EVPLL: variants seen among roughly 807,000 people sequenced by gnomAD.
The protein encoded by EVPLL is envoplakin-like protein.
A neutral mutation model predicts 46.2 loss-of-function variants in EVPLL; 39 were observed. That is an observed-to-expected ratio of 0.84 (90% CI 0.65 to 1.10). The LOEUF is 1.10. Ranked by LOEUF, EVPLL falls within the 50% of genes least tolerant of loss-of-function variation. EVPLL has a pLI of 0.00. For missense variants in EVPLL, 385 were observed against 412.6 expected (o/e 0.93, Z 0.58); for synonymous variants, 156 against 165.8 (o/e 0.94, Z 0.46).
intron 9 of EVPLL, among the ~76,000 whole-genome samples, chr17:18,387,386 T>G (rs372913454): frequency 7.1e-3 from 934 of 130,820 alleles, no homozygotes; most frequent in African/African-American, 0.012. Context: ...ATTTTTCACC[T>G]GGATTACTGT....
In EVPLL at chr17:18,381,672, G is replaced by C. The variant is rs1251944697; in HGVS notation, c.288G>C (p.Val96=). ...ACTGTGCCCTGTACGAGAAGATGGT[G>C]CTGCCGCCCCGACGTGGGATCCAAG... is the stretch of plus-strand genomic sequence containing the variant. ...AEYCALYEKM[V]LPPRRGIQGR... The change falls in exon 4 of 11, where the codon GTG becomes GTC. Residue 96 remains valine, a synonymous_variant. Coordinates refer to ENST00000399134, the MANE Select transcript of EVPLL (RefSeq NM_001145127.2). The surrounding 1 kb of genome is among the most constrained non-coding windows in gnomAD (Gnocchi z 4.2). 6.2e-7 allele frequency: 1 copy of C among 1,614,202 alleles called. No homozygotes were observed. The highest frequency in any genetic ancestry group is 8.5e-7 in the Non-Finnish European group (1 of 1,180,042).
chr17:18,382,592 A>G lies in EVPLL; in HGVS notation c.426A>G (p.Glu142=), dbSNP rs1001591920. ...GTDRGAQHRA[E]GDQRPRRAAA... ...ATCGCGGAGCTCAACATCGTGCAGA[A>G]GGAGATCAACGACCAAGGAGAGCAG... The change falls in exon 5 of 11, where the codon GAA becomes GAG. Residue 142 remains glutamate (E), a synonymous_variant. Transcript: ENST00000399134. 3.9e-6 allele frequency: 6 copies of G among 1,551,886 alleles called. No individual in the cohort carries two copies. The highest frequency in any genetic ancestry group is 5.2e-6 in the Non-Finnish European group (6 of 1,147,040).
intron 9 of EVPLL, among the ~76,000 whole-genome samples, chr17:18,383,928 G>T (rs1025458689): frequency 2.0e-5 from 3 of 152,056 alleles, no homozygotes; most frequent in African/African-American, 7.3e-5. Context: ...GGCCGAGAAT[G>T]GTCCACTGCA....
chr17:18,385,900 C>T (rs1251078050), intron 9 of EVPLL, among the ~76,000 whole-genome samples: 1 of 152,212 alleles, frequency 6.6e-6, no homozygotes, highest in Non-Finnish European at 1.5e-5. Context: ...CCAGAACTAT[C>T]TTGCAAACCT....
intron 9 of EVPLL, among the ~76,000 whole-genome samples, chr17:18,386,796 C>T (rs1251241837): frequency 1.3e-5 from 2 of 152,072 alleles, no homozygotes; most frequent in Non-Finnish European, 2.9e-5. Context: ...GCTTCTGGAA[C>T]AGCCGGGGTG....
In EVPLL at chr17:18,377,972, C is replaced by G. The variant is rs1243991612; in HGVS notation, c.-48C>G. 1.0e-6 allele frequency: 1 copy of G among 969,774 alleles called. No homozygotes were observed. Among genetic ancestry groups the G allele is most frequent in the Non-Finnish European group, 1.5e-6 (1 of 686,848 alleles). The allele number at this position is 969,774 out of a possible 1,614,324, so 60.1% of individuals were successfully genotyped here. Reference sequence around the variant, plus strand: ...AGGGGTCCCCCAAAGGCTCCCCCAGCAAGCACAGCTGGTGAGTGGGACTAG... The same window carrying G: ...AGGGGTCCCCCAAAGGCTCCCCCAGGAAGCACAGCTGGTGAGTGGGACTAG... On this transcript the variant is annotated 5_prime_UTR_variant, in exon 1 of 11. Coordinates refer to ENST00000399134, the MANE Select transcript of EVPLL (RefSeq NM_001145127.2).
Position 18,383,163 on chromosome 17 carries a change from C to T in EVPLL, c.650C>T (p.Ala217Val), listed in dbSNP as rs781042416. 8 of 1,550,374 alleles carry T rather than the reference C, an allele frequency of 5.2e-6. No homozygotes were observed. The African/African-American group carries it at 9.5e-5, about 18-fold the overall frequency. ...TGGAGCGACCTCATGGCCGACCCTGCGGGCGTGCGGCGGGAATACGAGGTC... is the reference window on the plus strand; with the variant it reads ...TGGAGCGACCTCATGGCCGACCCTGTGGGCGTGCGGCGGGAATACGAGGTC... ...QDWSDLMADP[A>V]GVRREYEHFK... is the part of the protein sequence containing the mutation. Residue 217 changes from alanine (A) to valine (V), a missense_variant, in exon 7 of 11, where the codon GCG becomes GTG. Coordinates refer to ENST00000399134, the MANE Select transcript of EVPLL (RefSeq NM_001145127.2).
intron 4 of EVPLL, 98 bp from the exon 5 acceptor site, chr17:18,382,415 C>T: frequency 5.3e-6 from 8 of 1,505,688 alleles, no homozygotes; most frequent in Non-Finnish European, 7.1e-6. Flanking sequence ...CACGCTCTGC[C>T]CAAATGACCA....
chr17:18,385,658 AGCTCCT>A (rs1273260683), intron 9 of EVPLL, among the ~76,000 whole-genome samples: 1 of 151,426 alleles, frequency 6.6e-6, no homozygotes, highest in Non-Finnish European at 1.5e-5. Context: ...AGGAAAGGGC[AGCTCCT>A]GCTCAAAGCT....
In EVPLL at chr17:18,383,199, G is replaced by A. The variant is rs1359168932; in HGVS notation, c.672+14G>A. 1.3e-6 allele frequency: 2 copies of A among 1,547,182 alleles called. No individual in the cohort carries two copies. The highest frequency in any genetic ancestry group is 2.4e-5 in the East Asian group (1 of 41,264). ...CGGGAATACGAGGTCGGCTGGCAGA[G>A]GTTGGGGCCAGGCGGGGGCGACCAG... On this transcript the variant is annotated intron_variant, in intron 7 of 10. Transcript: ENST00000399134.
intron 1 of EVPLL, among the ~76,000 whole-genome samples, chr17:18,378,746 C>T (rs530957449): frequency 1.3e-5 from 2 of 151,662 alleles, no homozygotes; most frequent in East Asian, 3.9e-4. Flanking sequence ...CACACCACTG[C>T]GCTCCTGCCT....
chr17:18,383,258 G>A lies in EVPLL; in HGVS notation c.673-13G>A, dbSNP rs754953344. On this transcript the variant is annotated splice_polypyrimidine_tract_variant and intron_variant, in intron 7 of 10. Transcript: ENST00000399134. ...TGGTCCTCACCGCCGCTCCCCACCC[G>A]ACTCGCCCCCAGCACTTCAAGCAGC... 5.1e-6 allele frequency: 8 copies of A among 1,569,912 alleles called. No homozygotes were observed. Among genetic ancestry groups the A allele is most frequent in the South Asian group, 1.2e-5 (1 of 85,798 alleles).
At chr17:18,385,879 C>A (rs1987749371) in intron 9 of EVPLL, among the ~76,000 whole-genome samples, 2 of 152,184 alleles carry the variant, frequency 1.3e-5, no homozygotes, top group South Asian at 4.1e-4. Context: ...ACCCCGCCGT[C>A]CCCACCCTGG....
intron 9 of EVPLL, among the ~76,000 whole-genome samples, chr17:18,384,033 T>C (rs1987690621): frequency 6.6e-6 from 1 of 152,128 alleles, no homozygotes; most frequent in Non-Finnish European, 1.5e-5. Context: ...AGGAAAGGCA[T>C]GGGCACATTC....
In EVPLL at chr17:18,381,011, G is replaced by A. The variant is rs763243873; in HGVS notation, c.63+11G>A. 35 of 1,569,872 alleles carry A rather than the reference G, an allele frequency of 2.2e-5. No individual in the cohort carries two copies. The highest frequency in any genetic ancestry group is 1.8e-4 in the African/African-American group (13 of 73,680). On this transcript the variant is annotated intron_variant, in intron 2 of 10. Transcript: ENST00000399134. The surrounding 1 kb of genome is among the most constrained non-coding windows in gnomAD (Gnocchi z 4.2). ...AAGAGGCTGCAGCAGGTGAGAACCC[G>A]GCAGCAGTTGGCAGGGTGTGGGCAG...
chr17:18,383,260 C>T lies in EVPLL; in HGVS notation c.673-11C>T. 6.4e-7 allele frequency: 1 copy of T among 1,572,074 alleles called. No homozygotes were observed. The highest frequency in any genetic ancestry group is 8.6e-7 in the Non-Finnish European group (1 of 1,161,482). ...GTCCTCACCGCCGCTCCCCACCCGA[C>T]TCGCCCCCAGCACTTCAAGCAGCAC... On this transcript the variant is annotated splice_polypyrimidine_tract_variant and intron_variant, in intron 7 of 10. Coordinates refer to ENST00000399134, the MANE Select transcript of EVPLL (RefSeq NM_001145127.2).
chr17:18,384,815 G>A (rs1176675586), intron 9 of EVPLL, among the ~76,000 whole-genome samples: 2 of 152,202 alleles, frequency 1.3e-5, no homozygotes, highest in Admixed American at 1.3e-4. Flanking sequence ...GGACCACCCG[G>A]TTCTCTGGGG....
intron 9 of EVPLL, among the ~76,000 whole-genome samples, chr17:18,384,712 A>G (rs573550): frequency 0.65 from 99,213 of 152,032 alleles, 33,780 homozygotes; most frequent in African/African-American, 0.83. Context: ...AGCCTGGGTG[A>G]CAGAGCAAGA....
chr17:18,382,955 C>A (rs1456898662), intron 6 of EVPLL, 70 bp from the exon 7 acceptor site: 3 of 1,574,936 alleles, frequency 1.9e-6, no homozygotes, highest in African/African-American at 1.3e-5. Context: ...CTGAGCGCCG[C>A]CCAATGGCGC....
Sources: allele counts gnomAD v4.1 joint callset (sites outside exome capture counted in the v4.1 genomes callset), GRCh38; gene constraint gnomAD v4.1.1; non-coding constraint Gnocchi (gnomAD v3.1); transcripts MANE v1.5; gene names NCBI Gene and HGNC (gene_info 2026-07-23, HGNC 2026-07-21).